KIAA1549: variants seen among roughly 807,000 people sequenced by gnomAD.
KIAA1549 encodes the protein KIAA1549.
In KIAA1549, 70 loss-of-function variants were observed where a neutral mutation model predicts 156.4. That is an observed-to-expected ratio of 0.45 (90% CI 0.37 to 0.55). KIAA1549 has a LOEUF of 0.55. KIAA1549 is among the 20% of genes least tolerant of loss of function. The pLI, the probability that KIAA1549 is intolerant of heterozygous loss-of-function variation, is 0.00. For synonymous variants in KIAA1549, 1,103 were observed against 1,066.4 expected (o/e 1.03, Z -0.67); for missense variants, 2,428 against 2,540.9 (o/e 0.96, Z 0.96).
At chr7:138,920,308 C>T (rs571291071) in intron 1 of KIAA1549, among the ~76,000 whole-genome samples, 2 of 151,694 alleles carry the variant, frequency 1.3e-5, no homozygotes, top group East Asian at 3.9e-4. Flanking sequence ...AAGTTGGATT[C>T]GTGCCTCTCC....
intron 6 of KIAA1549, among the ~76,000 whole-genome samples, chr7:138,906,018 C>T (rs1036209332): frequency 1.3e-5 from 2 of 152,200 alleles, no homozygotes; most frequent in Non-Finnish European, 2.9e-5. Context: ...CAGATTCGTC[C>T]TCCCTAAATT....
Position 138,840,221 on chromosome 7 carries a change from G to A in KIAA1549, c.5510C>T (p.Pro1837Leu), listed in dbSNP as rs769021528. Residue 1837 changes from proline to leucine, a missense_variant, in exon 19 of 20, where the codon CCA (proline) becomes CTA (leucine). By Grantham distance (98) the Pro-to-Leu change is moderately conservative. Around this residue, in one of 5 missense-constraint regions of KIAA1549, gnomAD observed 363 missense variants for 354.0 expected, o/e 1.03. Coordinates refer to ENST00000422774, the MANE Select transcript of KIAA1549 (RefSeq NM_001164665.2). ...GCCTCTGCTTGGCGGGATTTCCACTGGCTGAGCTCCAATTCTGCTGGCAAT... is the reference window on the plus strand; with the variant it reads ...GCCTCTGCTTGGCGGGATTTCCACTAGCTGAGCTCCAATTCTGCTGGCAAT... ...VGIASRIGAQ[P>L]VEIPPSRGSQ... The A allele has an allele frequency of 2.5e-6, 4 of 1,583,732 alleles. No homozygotes were observed. The highest frequency in any genetic ancestry group is 1.2e-5 in the South Asian group (1 of 86,294).
At chr7:138,863,128 C>T (rs1329749832) in intron 15 of KIAA1549, among the ~76,000 whole-genome samples, 1 of 152,060 alleles carries the variant, frequency 6.6e-6, no homozygotes, top group African/African-American at 2.4e-5. Context: ...GTCATCCTTT[C>T]TGGTCTTACA....
intron 1 of KIAA1549, among the ~76,000 whole-genome samples, chr7:138,959,526 T>C (rs1813776787): frequency 6.6e-6 from 1 of 152,254 alleles, no homozygotes; most frequent in Admixed American, 6.5e-5. Flanking sequence ...ACGCGCATTT[T>C]ACGAATGGAG....
In KIAA1549 at chr7:138,852,286, A is replaced by T. The variant is rs1810258323; in HGVS notation, c.5248-17T>A. 6.4e-7 allele frequency: 1 copy of T among 1,570,500 alleles called. No individual in the cohort carries two copies. The highest frequency in any genetic ancestry group is 1.1e-5 in the South Asian group (1 of 86,984). On this transcript the variant is annotated splice_polypyrimidine_tract_variant and intron_variant, in intron 16 of 19. Coordinates refer to ENST00000422774, the MANE Select transcript of KIAA1549 (RefSeq NM_001164665.2). ...TTCGTATCTCTGGAAGACATACAAA[A>T]GAACATGAAGATTAATATTCAATAC...
chr7:138,951,825 A>C (rs1189938360), intron 1 of KIAA1549, among the ~76,000 whole-genome samples: 4 of 152,234 alleles, frequency 2.6e-5, no homozygotes, highest in Non-Finnish European at 4.4e-5. Flanking sequence ...ACATCCAGGA[A>C]TTTAAAAGCA....
Position 138,899,053 on chromosome 7 carries a change from C to G in KIAA1549, c.3749G>C (p.Arg1250Thr). 1 of 1,613,774 alleles carries G rather than the reference C, an allele frequency of 6.2e-7. No individual in the cohort carries two copies. The highest frequency in any genetic ancestry group is 8.5e-7 in the Non-Finnish European group (1 of 1,179,690). The change falls in exon 9 of 20, where the codon AGA becomes ACA. Residue 1250 changes from arginine to threonine, a missense_variant. By Grantham distance (71) the Arg-to-Thr change is moderately conservative (BLOSUM62 -1). Transcript: ENST00000422774. The part of the protein sequence containing the change: ...IYFVEDQDGE[R>T]LSAVKSSDLI... ...GTCCGAAGACTTGACTGCACTGAGT[C>G]TTTCTCCATCTTGATCCTCCACAAA...
intron 1 of KIAA1549, among the ~76,000 whole-genome samples, chr7:138,925,730 T>C (rs886301160): frequency 1.4e-5 from 2 of 143,292 alleles, no homozygotes; most frequent in South Asian, 2.2e-4. Context: ...CTTGAGAGGC[T>C]GAGGTGGGAG....
At chr7:138,951,009 G>C (rs1813481262) in intron 1 of KIAA1549, among the ~76,000 whole-genome samples, 1 of 151,998 alleles carries the variant, frequency 6.6e-6, no homozygotes, top group Admixed American at 6.6e-5. Context: ...CATCCCCAAG[G>C]TCAGGCCCGC....
At chr7:138,892,773 G>A (rs548428203) in intron 10 of KIAA1549, among the ~76,000 whole-genome samples, 3 of 151,548 alleles carry the variant, frequency 2.0e-5, no homozygotes, top group African/African-American at 4.8e-5. Flanking sequence ...TTTTCCATTC[G>A]ACAGGTCTAG....
At chr7:138,840,514 A>T (rs1809883483) in intron 18 of KIAA1549, among the ~76,000 whole-genome samples, 2 of 152,120 alleles carry the variant, frequency 1.3e-5, no homozygotes, top group South Asian at 4.1e-4. Flanking sequence ...AAAATGTACC[A>T]CGAAGCACCG....
At chr7:138,957,957 T>G (rs1402300750) in intron 1 of KIAA1549, among the ~76,000 whole-genome samples, 1 of 152,230 alleles carries the variant, frequency 6.6e-6, no homozygotes, top group Admixed American at 6.5e-5. Flanking sequence ...GTGTCTGTAT[T>G]CATGCATGCA....
intron 2 of KIAA1549, among the ~76,000 whole-genome samples, chr7:138,914,567 T>C (rs1812262613): frequency 1.3e-5 from 2 of 151,944 alleles, no homozygotes; most frequent in South Asian, 4.2e-4. Flanking sequence ...CTCAACCCCC[T>C]CACCACACTC....
chr7:138,919,315 C>T lies in KIAA1549; in HGVS notation c.311G>A (p.Ser104Asn), dbSNP rs775945074. The change falls in exon 2 of 20, where the codon AGC (serine) becomes AAC (asparagine). Residue 104 changes from serine (S) to asparagine (N), a missense_variant. Ser to Asn is a conservative substitution (Grantham distance 46, BLOSUM62 1). This residue lies in a region of KIAA1549 where 893 missense variants were observed against 847.9 expected (regional missense o/e 1.05). Coordinates refer to ENST00000422774, the MANE Select transcript of KIAA1549 (RefSeq NM_001164665.2). Reference protein sequence around the residue: ...LTETAPGSQHSSPLHVTAPPS... With the variant: ...LTETAPGSQHNSPLHVTAPPS... ...CGGGGCTGTGACATGGAGAGGACTGCTGTGCTGGGAGCCGGGAGCAGTTTC... is the reference window on the plus strand; with the variant it reads ...CGGGGCTGTGACATGGAGAGGACTGTTGTGCTGGGAGCCGGGAGCAGTTTC... 3 of 1,614,020 alleles carry T rather than the reference C, an allele frequency of 1.9e-6. No homozygotes were observed. The highest frequency in any genetic ancestry group is 2.5e-6 in the Non-Finnish European group (3 of 1,179,900).
At chr7:138,942,500 G>A (rs908066881) in intron 1 of KIAA1549, among the ~76,000 whole-genome samples, 13 of 151,648 alleles carry the variant, frequency 8.6e-5, no homozygotes, top group South Asian at 2.1e-4. Context: ...ACCTGGATCC[G>A]GTGGCTGAGG....
chr7:138,936,938 T>C (rs1054646479), intron 1 of KIAA1549, among the ~76,000 whole-genome samples: 2 of 152,136 alleles, frequency 1.3e-5, no homozygotes, highest in Non-Finnish European at 2.9e-5. Flanking sequence ...TCTGGAGTTT[T>C]CTAACGTGCA....
In KIAA1549 at chr7:138,833,600, A is replaced by C. The variant is rs1277686973; in HGVS notation, c.*4306T>G. On this transcript the variant is annotated 3_prime_UTR_variant, in exon 20 of 20. Transcript: ENST00000422774. ...ACCCAAATCAAAACACTATGAAATTAATAAAATTTGGAGAAAAATGTGTAG... is the reference window on the plus strand; with the variant it reads ...ACCCAAATCAAAACACTATGAAATTCATAAAATTTGGAGAAAAATGTGTAG... 4.3e-6 allele frequency: 1 copy of C among 232,534 alleles called. No individual in the cohort carries two copies. Among genetic ancestry groups the C allele is most frequent in the East Asian group, 6.1e-5 (1 of 16,504 alleles). The allele number at this position is 232,534 out of a possible 1,614,324, so 14.4% of individuals were successfully genotyped here.
chr7:138,966,589 G>A (rs1200454605), intron 1 of KIAA1549, among the ~76,000 whole-genome samples: 2 of 151,884 alleles, frequency 1.3e-5, no homozygotes, highest in Non-Finnish European at 2.9e-5. Context: ...GGCTAAGCCA[G>A]TCTAGTATTT....
In KIAA1549 at chr7:138,918,300, C is replaced by T. The variant is rs753501110; in HGVS notation, c.1326G>A (p.Val442=). The T allele has an allele frequency of 8.1e-6, 13 of 1,613,986 alleles. No individual in the cohort carries two copies. The highest frequency in any genetic ancestry group is 1.0e-5 in the Non-Finnish European group (12 of 1,179,890). The part of the protein sequence containing the change: ...VLATSLMEKD[V]GSGDGAETLC... ...GAGTCTCGGCACCATCCCCTGATCC[C>T]ACGTCTTTCTCCATGAGGCTCGTGG... The change falls in exon 2 of 20, where the codon GTG becomes GTA. Residue 442 remains valine (V), a synonymous_variant. Coordinates refer to ENST00000422774, the MANE Select transcript of KIAA1549 (RefSeq NM_001164665.2). This position sits in a 1 kb window ranked among gnomAD's most constrained non-coding sequence, Gnocchi z 4.2.
Sources: gnomAD v4.1 joint callset for allele counts (sites outside exome capture counted in the v4.1 genomes callset) on GRCh38, gnomAD v4.1.1 for gene constraint, gnomAD v4.1.1 regional missense constraint, Gnocchi (gnomAD v3.1) non-coding constraint, MANE v1.5 for transcripts, NCBI Gene and HGNC (gene_info 2026-07-23, HGNC 2026-07-21) for gene names.